MBD5: variants seen among roughly 807,000 people sequenced by gnomAD.
MBD5 encodes the protein methyl-CpG binding domain protein 5.
A neutral mutation model predicts 117.3 loss-of-function variants in MBD5; 13 were observed. The observed-to-expected ratio is 0.11, with a 90% CI of 0.07 to 0.18. The LOEUF is 0.18. Among genes scored for constraint, MBD5 ranks in the 10% least tolerant of loss-of-function variants. The pLI, the probability that MBD5 is intolerant of heterozygous loss-of-function variation, is 1.00. For synonymous variants in MBD5, 727 were observed against 766.4 expected (o/e 0.95, Z 0.85); for missense variants, 1,879 against 2,093.8 (o/e 0.90, Z 2.00).
At chr2:148,479,169 A>T (rs1469059664) in intron 8 of MBD5, among the ~76,000 whole-genome samples, 1 of 152,174 alleles carries the variant, frequency 6.6e-6, no homozygotes, top group Non-Finnish European at 1.5e-5. Flanking sequence ...AACTTTAAGA[A>T]CTCAGAGTAA....
intron 10 of MBD5, among the ~76,000 whole-genome samples, chr2:148,488,609 T>C (rs1681412108): frequency 1.5e-5 from 2 of 133,254 alleles, no homozygotes; most frequent in African/African-American, 2.8e-5. Flanking sequence ...ATCTGAAAGT[T>C]CAAAGTATCA....
At chr2:148,177,598 A>G (rs1698421952) in intron 1 of MBD5, among the ~76,000 whole-genome samples, 1 of 152,198 alleles carries the variant, frequency 6.6e-6, no homozygotes. Flanking sequence ...TTTGGAAGTT[A>G]ATGTCTTATT....
intron 4 of MBD5, among the ~76,000 whole-genome samples, chr2:148,405,618 C>T (rs189436290): frequency 1.3e-4 from 20 of 152,288 alleles, no homozygotes; most frequent in Admixed American, 5.9e-4. Context: ...GAAGTCAAAG[C>T]ACATAAGCGC....
intron 1 of MBD5, among the ~76,000 whole-genome samples, chr2:148,050,793 T>TCCC (rs1694678298): frequency 6.6e-6 from 1 of 152,164 alleles, no homozygotes; most frequent in African/African-American, 2.4e-5. Context: ...ACTACACTGT[T>TCCC]TTGATTACTG....
rs530412137 is a variant in MBD5 at position 148,025,099 on chromosome 2, A to G, written c.-925+3415A>G. 8.9e-4 allele frequency: 136 copies of G among 152,308 alleles called. 1 individual carries two copies. Among genetic ancestry groups the G allele is most frequent in the African/African-American group, 3.2e-3 (134 of 41,566 alleles). The allele number at this position is 152,308 out of a possible 1,614,324, so 9.4% of individuals were successfully genotyped here. A position where few individuals can be genotyped will look rare whatever the true frequency, so the allele number is the denominator to read the frequency against. On this transcript the variant is annotated intron_variant, in intron 1 of 13. Transcript: ENST00000642680. ...GCAAACTTGTCTGGATTTTGACTGT[A>G]TGTGCAAAACAGATTGTACTTAGCG...
chr2:148,084,635 A>G (rs987084679), intron 1 of MBD5, among the ~76,000 whole-genome samples: 1 of 152,146 alleles, frequency 6.6e-6, no homozygotes, highest in South Asian at 2.1e-4. Context: ...TGTGAATATC[A>G]TATACTTTTG....
intron 1 of MBD5, among the ~76,000 whole-genome samples, chr2:148,142,112 G>A (rs1697332337): frequency 6.6e-6 from 1 of 152,196 alleles, no homozygotes; most frequent in African/African-American, 2.4e-5. Context: ...TCAAGACTGA[G>A]AAGGCCTATC....
chr2:148,452,004 G>T (rs560754906), intron 4 of MBD5, among the ~76,000 whole-genome samples: 2 of 152,116 alleles, frequency 1.3e-5, no homozygotes, highest in South Asian at 4.1e-4. Flanking sequence ...AGATCATTGT[G>T]TGATGTCATT....
At chr2:148,325,989 C>T (rs1054590486) in intron 3 of MBD5, among the ~76,000 whole-genome samples, 8 of 152,196 alleles carry the variant, frequency 5.3e-5, no homozygotes, top group African/African-American at 1.9e-4. Context: ...ATAAATTTCC[C>T]TCTACATACT....
intron 3 of MBD5, among the ~76,000 whole-genome samples, chr2:148,276,409 T>C (rs1701115672): frequency 6.6e-6 from 1 of 152,210 alleles, no homozygotes; most frequent in Admixed American, 6.5e-5. Context: ...TTATTGCACT[T>C]TTCACTTAAT....
At chr2:148,032,079 A>AT (rs1005418682) in intron 1 of MBD5, among the ~76,000 whole-genome samples, 28 of 151,784 alleles carry the variant, frequency 1.8e-4, no homozygotes, top group Non-Finnish European at 2.4e-4. Context: ...ATGGCTCTGT[A>AT]TTTTTTTTAG....
chr2:148,247,032 A>G (rs1700353328), intron 3 of MBD5, among the ~76,000 whole-genome samples: 2 of 152,280 alleles, frequency 1.3e-5, no homozygotes, highest in East Asian at 3.9e-4. Context: ...CTGCAACACC[A>G]AATAGTTATA....
At chr2:148,466,108 T>G (rs984173545) in intron 7 of MBD5, among the ~76,000 whole-genome samples, 2 of 152,220 alleles carry the variant, frequency 1.3e-5, no homozygotes, top group African/African-American at 4.8e-5. Flanking sequence ...GCATTTATTT[T>G]AGTTTCCTAA....
intron 4 of MBD5, among the ~76,000 whole-genome samples, chr2:148,436,002 T>C (rs1438982147): frequency 6.6e-6 from 1 of 152,240 alleles, no homozygotes; most frequent in East Asian, 1.9e-4. Context: ...GCAAATTCAG[T>C]GAAAAGTTAT....
intron 8 of MBD5, among the ~76,000 whole-genome samples, chr2:148,476,510 G>A (rs886898578): frequency 1.3e-5 from 2 of 152,060 alleles, no homozygotes; most frequent in Non-Finnish European, 2.9e-5. Flanking sequence ...TCACAAAACA[G>A]ATCATGACCT....
In MBD5 at chr2:148,147,809, A is replaced by G. The variant is rs142120723; in HGVS notation, c.-924-30891A>G. On this transcript the variant is annotated intron_variant, in intron 1 of 13. Transcript: ENST00000642680. ...GTGTGTGTGTTGGGTGATGACCTCA[A>G]TGCTCCAGCAGACTGTTTACTACTC... Among the ~76,000 whole-genome samples, 359 of 152,154 alleles carry G rather than the reference A, an allele frequency of 2.4e-3. 2 individuals are homozygous for G. Among genetic ancestry groups the G allele is most frequent in the African/African-American group, 8.1e-3 (336 of 41,518 alleles).
In MBD5 at chr2:148,308,676, A is replaced by G. The variant is rs111857184; in HGVS notation, c.-679-33538A>G. ...TAGTTTAATTAGACCCCGTTTGTCAATTTTGGCTTTTTTGGCATTGCTTTT... is the reference window on the plus strand; with the variant it reads ...TAGTTTAATTAGACCCCGTTTGTCAGTTTTGGCTTTTTTGGCATTGCTTTT... On this transcript the variant is annotated intron_variant, in intron 3 of 13. Coordinates refer to ENST00000642680, the MANE Select transcript of MBD5 (RefSeq NM_001378120.1). Among the ~76,000 whole-genome samples the G allele has an allele frequency of 4.7e-3, 713 of 151,836 alleles. 7 individuals carry two copies. Among genetic ancestry groups the G allele is most frequent in the African/African-American group, 0.016 (665 of 41,414 alleles).
In MBD5 at chr2:148,105,563, G is replaced by A. The variant is rs139095785; in HGVS notation, c.-924-73137G>A. Among the ~76,000 whole-genome samples the A allele has an allele frequency of 1.7e-3, 263 of 152,050 alleles. 1 individual carries two copies. The highest frequency in any genetic ancestry group is 5.9e-3 in the African/African-American group (243 of 41,488). On this transcript the variant is annotated intron_variant, in intron 1 of 13. Coordinates refer to ENST00000642680, the MANE Select transcript of MBD5 (RefSeq NM_001378120.1). ...TTAGCAATTTGTATGTGCCTGCCTC[G>A]TTTCTTCCTTGTTCCTTACTGCTTT...
intron 3 of MBD5, among the ~76,000 whole-genome samples, chr2:148,327,298 T>C (rs1702481440): frequency 1.3e-5 from 2 of 152,122 alleles, no homozygotes; most frequent in Admixed American, 1.3e-4. Context: ...CTTTGATGAA[T>C]CTGACAATTA....
Sources: allele counts gnomAD v4.1 joint callset (sites outside exome capture counted in the v4.1 genomes callset), GRCh38; gene constraint gnomAD v4.1.1; transcripts MANE v1.5; gene names NCBI Gene and HGNC (gene_info 2026-07-23, HGNC 2026-07-21).